ZNF254: variants seen among roughly 807,000 people sequenced by gnomAD.
ZNF254 encodes the protein zinc finger protein 254.
Under a neutral mutation model 12.4 loss-of-function variants are expected in ZNF254, and 10 were observed. The ratio of observed to expected loss-of-function variants is 0.80; its 90% confidence interval spans 0.50 to 1.36. The LOEUF (loss-of-function observed/expected upper bound fraction) is 1.36, where lower values mean the gene tolerates loss of function less well. Ranked by LOEUF, ZNF254 falls within the 40% of genes most tolerant of loss-of-function variation. ZNF254 has a pLI of 0.00. For missense variants in ZNF254, 996 were observed against 763.9 expected, an observed-to-expected ratio of 1.30 and a Z score of -3.58; for synonymous variants, 305 against 253.4, an observed-to-expected ratio of 1.20 and a Z score of -1.93.
rs1019544237 is a variant in ZNF254 at position 24,122,531 on chromosome 19, T to G, written c.254-3723T>G. ...TGAACCACCATGCCTGGCCCCAATT[T>G]TTTCTGTTTTATGGCACTTTGCAAA... On this transcript the variant is annotated intron_variant, in intron 3 of 3. Coordinates refer to ENST00000357002, the MANE Select transcript of ZNF254 (RefSeq NM_203282.4). Among the ~76,000 whole-genome samples, 16 of 152,250 alleles carry G rather than the reference T, an allele frequency of 1.1e-4. No homozygotes were observed. In the South Asian group the frequency reaches 2.5e-3, roughly 24 times the overall value.
chr19:24,109,350 G>C (rs1419021215), intron 3 of ZNF254, among the ~76,000 whole-genome samples: 1 of 152,126 alleles, frequency 6.6e-6, no homozygotes, highest in Non-Finnish European at 1.5e-5. Context: ...AAACATTGCA[G>C]TTATCTAGAC....
intron 2 of ZNF254, among the ~76,000 whole-genome samples, chr19:24,048,003 CTTTTTTTTT>C (rs398034320): frequency 2.9e-5 from 2 of 68,810 alleles, no homozygotes; most frequent in Non-Finnish European, 5.0e-5. Context: ...TTCTTTTCTT[CTTTTTTTTT>C]TTTTTTTTTT....
intron 3 of ZNF254, among the ~76,000 whole-genome samples, chr19:24,125,222 C>A (rs925337831): frequency 7.6e-6 from 1 of 130,748 alleles, no homozygotes; most frequent in South Asian, 2.5e-4. Context: ...ATTTTTACAT[C>A]TTTTTTTTTT....
At chr19:24,041,619 GGCCCGA>G (rs1568421729) in intron 1 of ZNF254, among the ~76,000 whole-genome samples, 2 of 151,872 alleles carry the variant, frequency 1.3e-5, no homozygotes, top group East Asian at 3.9e-4. Flanking sequence ...GCTCCTGTGC[GGCCCGA>G]GCCTCCCCGA....
intron 2 of ZNF254, among the ~76,000 whole-genome samples, chr19:24,054,264 T>C (rs1970757438): frequency 6.6e-6 from 1 of 152,128 alleles, no homozygotes; most frequent in African/African-American, 2.4e-5. Context: ...TCGGGGAAGA[T>C]TGTGAGATAC....
chr19:24,055,623 A>G (rs1265498756), intron 2 of ZNF254, among the ~76,000 whole-genome samples: 2 of 152,138 alleles, frequency 1.3e-5, no homozygotes, highest in Non-Finnish European at 2.9e-5. Context: ...AGTATACATC[A>G]TCATATTCTC....
At chr19:24,124,775 T>G (rs1417299715) in intron 3 of ZNF254, among the ~76,000 whole-genome samples, 3 of 148,210 alleles carry the variant, frequency 2.0e-5, no homozygotes, top group Non-Finnish European at 4.5e-5. Flanking sequence ...TTCTTTTTCT[T>G]TTTTTTTTTT....
intron 1 of ZNF254, among the ~76,000 whole-genome samples, chr19:24,093,980 T>G (rs187106041): frequency 6.6e-6 from 1 of 152,306 alleles, no homozygotes; most frequent in Non-Finnish European, 1.5e-5. Flanking sequence ...GCAATTCTTA[T>G]AGAGATCTTT....
At chr19:24,049,214 A>ATTT (rs66491625) in intron 2 of ZNF254, among the ~76,000 whole-genome samples, 1,156 of 40,602 alleles carry the variant, frequency 0.028, 36 homozygotes, top group Non-Finnish European at 0.038. Context: ...ATATATATAT[A>ATTT]TTTTTTTTTT....
At chr19:24,054,772 ACT>A (rs1276107933) in intron 2 of ZNF254, among the ~76,000 whole-genome samples, 7 of 152,132 alleles carry the variant, frequency 4.6e-5, no homozygotes, top group African/African-American at 1.7e-4. Context: ...TGAGGACTCT[ACT>A]CTCTTAAACC....
rs745814836 is a variant in ZNF254, at chr19:24,126,336, T to G, written c.336T>G (p.Tyr112Ter). Residue 112 changes from tyrosine (Y) to a stop codon, truncating the protein, a stop_gained, in exon 4 of 4, where the codon TAT becomes TAG. Transcript: ENST00000357002. LOFTEE classifies it low-confidence loss of function (END_TRUNC). Reference protein sequence around the residue: ...DSFQKAILRRYGKYGHENLQL... With the variant: ...DSFQKAILRR ...TTCAAAAAGCAATACTGAGAAGATA[T>G]GGAAAATATGGACATGAGAATTTAC... The G allele has an allele frequency of 1.9e-5, 30 of 1,607,440 alleles. No homozygotes were observed. Among genetic ancestry groups the G allele is most frequent in the Non-Finnish European group, 2.5e-5 (30 of 1,177,194 alleles).
intron 3 of ZNF254, among the ~76,000 whole-genome samples, chr19:24,112,752 G>A (rs1420345443): frequency 2.0e-5 from 3 of 151,842 alleles, no homozygotes; most frequent in Non-Finnish European, 4.4e-5. Flanking sequence ...CTGGTTTTTT[G>A]AAAGGATCAA....
intron 1 of ZNF254, among the ~76,000 whole-genome samples, chr19:24,092,900 T>C (rs1302125188): frequency 6.6e-6 from 1 of 152,246 alleles, no homozygotes; most frequent in African/African-American, 2.4e-5. Context: ...CTTTTTACAA[T>C]GGTTGAATTA....
chr19:24,107,780 T>C (rs1012466583), intron 3 of ZNF254, among the ~76,000 whole-genome samples: 6 of 152,208 alleles, frequency 3.9e-5, no homozygotes, highest in Admixed American at 1.3e-4. Context: ...TTCAAGTTTC[T>C]ATAAACTGGT....
chr19:24,084,802 A>AT (rs1971966576), upstream of ZNF254, among the ~76,000 whole-genome samples: 1 of 151,594 alleles, frequency 6.6e-6, no homozygotes, highest in South Asian at 2.1e-4. Context: ...TAACTTTTGT[A>AT]TTTTTTTAGA....
At chr19:24,104,552 C>T (rs1973221165) in intron 1 of ZNF254, 1 of 151,876 alleles carries the variant, frequency 6.6e-6, no homozygotes, top group Admixed American at 6.6e-5. Context: ...GTTTTTTCTC[C>T]CTAATAAGTT....
chr19:24,089,259 AGCCACT>A (rs1347602793), intron 1 of ZNF254, among the ~76,000 whole-genome samples: 2 of 152,218 alleles, frequency 1.3e-5, no homozygotes. Flanking sequence ...TACAGGCGTG[AGCCACT>A]GCACCCGGCC....
At chr19:24,110,994 C>G (rs563013298) in intron 3 of ZNF254, among the ~76,000 whole-genome samples, 1 of 151,868 alleles carries the variant, frequency 6.6e-6, no homozygotes, top group Non-Finnish European at 1.5e-5. Context: ...GGTACATGTG[C>G]ACAATGTGCA....
At chr19:24,120,862 G>A (rs888862002) in intron 3 of ZNF254, among the ~76,000 whole-genome samples, 18 of 151,806 alleles carry the variant, frequency 1.2e-4, no homozygotes, top group East Asian at 5.8e-4. Context: ...TAATAGAGAC[G>A]GGGTTTCTCC....
Sources: gnomAD v4.1 joint callset for allele counts (sites outside exome capture counted in the v4.1 genomes callset) on GRCh38, gnomAD v4.1.1 for gene constraint, MANE v1.5 for transcripts, NCBI Gene and HGNC (gene_info 2026-07-23, HGNC 2026-07-21) for gene names.